ADCY2: variants seen among roughly 807,000 people sequenced by gnomAD.
The protein encoded by ADCY2 is adenylate cyclase 2.
A neutral mutation model predicts 125.2 loss-of-function variants in ADCY2; 31 were observed. The ratio of observed to expected loss-of-function variants is 0.25; its 90% CI spans 0.19 to 0.33. The LOEUF is 0.33. ADCY2 is among the 10% of genes least tolerant of loss of function. The pLI is 1.00. For missense variants in ADCY2, 904 were observed against 1,418.2 expected, an observed-to-expected ratio of 0.64 and a Z score of 5.82; for synonymous variants, 512 against 548.4, an observed-to-expected ratio of 0.93 and a Z score of 0.93.
chr5:7,795,420 C>T (rs893409286), intron 20 of ADCY2: 4 of 152,246 alleles, frequency 2.6e-5, no homozygotes, highest in African/African-American at 9.6e-5. Context: ...TCACTTCGCT[C>T]CTGTTCCTGG....
Position 7,530,457 on chromosome 5 carries a change from G to A in ADCY2, c.570+9558G>A, listed in dbSNP as rs10050498. 4.8e-3 allele frequency among the ~76,000 whole-genome samples: 734 copies of A among 152,202 alleles called. 7 individuals are homozygous for A. The highest frequency in any genetic ancestry group is 0.016 in the African/African-American group (678 of 41,546). On this transcript the variant is annotated intron_variant, in intron 3 of 24. Transcript: ENST00000338316. ...GACAATGGCATGATCATAGCTCACTGCAGTCTTGAACTCCTGGCCTCAAGC... is the reference window on the plus strand; with the variant it reads ...GACAATGGCATGATCATAGCTCACTACAGTCTTGAACTCCTGGCCTCAAGC...
At position 7,513,430 on chromosome 5, in the gene ADCY2, C is replaced by T. The variant is rs562931940; in HGVS notation, c.409-7308C>T. 1.1e-4 allele frequency among the ~76,000 whole-genome samples: 16 copies of T among 152,170 alleles called. No homozygotes were observed. In the South Asian group the frequency reaches 1.2e-3, roughly 12 times the overall value. ...TTTATTGTTTTGCAGATTTTGTTAT[C>T]GAAAATGTTAAAGTACATTTCCACT... is the stretch of plus-strand genomic sequence containing the variant. On this transcript the variant is annotated intron_variant, in intron 2 of 24. Coordinates refer to ENST00000338316, the MANE Select transcript of ADCY2 (RefSeq NM_020546.3).
In ADCY2 at chr5:7,439,375, A is replaced by C. The variant is rs558354094; in HGVS notation, c.408+24605A>C. Among the ~76,000 whole-genome samples, 4 of 152,244 alleles carry C rather than the reference A, an allele frequency of 2.6e-5. No individual in the cohort carries two copies. The South Asian group carries it at 8.3e-4, about 32-fold the overall frequency. ...GGGAACTTCCATTTATAAAACCGTC[A>C]GCTCTCATGAGACTTATTCACTACC... On this transcript the variant is annotated intron_variant, in intron 2 of 24. Coordinates refer to ENST00000338316, the MANE Select transcript of ADCY2 (RefSeq NM_020546.3).
intron 18 of ADCY2, among the ~76,000 whole-genome samples, chr5:7,778,035 A>G (rs561396926): frequency 6.6e-6 from 1 of 152,020 alleles, no homozygotes; most frequent in Non-Finnish European, 1.5e-5. Flanking sequence ...AGTCCTCCAT[A>G]TTGTCTGTGA....
intron 9 of ADCY2, 59 bp downstream of exon 9, chr5:7,707,897 T>C: frequency 6.4e-7 from 1 of 1,562,220 alleles, no homozygotes; most frequent in Non-Finnish European, 8.7e-7. Context: ...TTATTGATAT[T>C]CATAAGTGTT....
intron 23 of ADCY2, among the ~76,000 whole-genome samples, chr5:7,819,388 G>C (rs1025435762): frequency 4.6e-5 from 7 of 152,132 alleles, no homozygotes; most frequent in Admixed American, 4.6e-4. Flanking sequence ...CTGCAGCATG[G>C]GACCAGAACG....
chr5:7,447,166 C>T (rs1579452307), intron 2 of ADCY2, among the ~76,000 whole-genome samples: 1 of 136,254 alleles, frequency 7.3e-6, no homozygotes, highest in African/African-American at 2.6e-5. Flanking sequence ...CGACCTTACT[C>T]AGAAGCTTGT....
At position 7,707,769 on chromosome 5, in the gene ADCY2, A is replaced by T; in HGVS notation, c.1332A>T (p.Gly444=). 6.2e-7 allele frequency: 1 copy of T among 1,614,074 alleles called. No homozygotes were observed. The highest frequency in any genetic ancestry group is 8.5e-7 in the Non-Finnish European group (1 of 1,180,004). ...ATGGCGCTTATAAAGTGGAGGAGGG[A>T]GATGGTGACATTAGGGACCCATATT... The part of the protein sequence containing the change: ...HLNGAYKVEE[G]DGDIRDPYLK... Residue 444 remains glycine, a synonymous_variant, in exon 9 of 25, where the codon GGA becomes GGT. Transcript: ENST00000338316.
chr5:7,630,835 G>A (rs1738288554), intron 4 of ADCY2, among the ~76,000 whole-genome samples: 3 of 147,082 alleles, frequency 2.0e-5, no homozygotes, highest in Admixed American at 2.0e-4. Context: ...CACCCAGGCT[G>A]GAGTGCAGTG....
In ADCY2 at chr5:7,695,734, C is replaced by T. The variant is rs368207400; in HGVS notation, c.870-18C>T. ...TAAACTGGAAAACTCTGTCTCCTCACCTCCTTTCTTCCCACAGCATCTTAT... is the reference window on the plus strand; with the variant it reads ...TAAACTGGAAAACTCTGTCTCCTCATCTCCTTTCTTCCCACAGCATCTTAT... On this transcript the variant is annotated intron_variant, in intron 5 of 24. Transcript: ENST00000338316. 3.4e-5 allele frequency: 52 copies of T among 1,535,780 alleles called. No individual in the cohort carries two copies. In the African/African-American group the frequency reaches 6.8e-4, roughly 20 times the overall value.
intron 4 of ADCY2, among the ~76,000 whole-genome samples, chr5:7,641,446 C>T (rs1169634518): frequency 2.0e-5 from 3 of 151,994 alleles, no homozygotes; most frequent in East Asian, 1.9e-4. Flanking sequence ...TATGAGTTAT[C>T]GTTCTGTGTT....
intron 22 of ADCY2, among the ~76,000 whole-genome samples, chr5:7,813,345 G>A (rs1289248966): frequency 6.6e-6 from 1 of 152,170 alleles, no homozygotes; most frequent in African/African-American, 2.4e-5. Flanking sequence ...GTTTATTTTA[G>A]CCTAAAAAAT....
At chr5:7,591,992 A>T (rs1330955551) in intron 3 of ADCY2, among the ~76,000 whole-genome samples, 1 of 152,202 alleles carries the variant, frequency 6.6e-6, no homozygotes, top group East Asian at 1.9e-4. Context: ...TTTAATAGGA[A>T]TGTTTAACTT....
intron 3 of ADCY2, among the ~76,000 whole-genome samples, chr5:7,591,337 G>A (rs1736844830): frequency 6.6e-6 from 1 of 152,044 alleles, no homozygotes; most frequent in African/African-American, 2.4e-5. Context: ...TTCAGCATAG[G>A]TTCTATCAGA....
rs757446494 is a variant in ADCY2, at chr5:7,600,658, G to A, written c.571-25509G>A. Among the ~76,000 whole-genome samples the A allele has an allele frequency of 3.3e-5, 5 of 152,192 alleles. No individual in the cohort carries two copies. The South Asian group carries it at 1.0e-3, about 32-fold the overall frequency. ...TCCATGGGGAATCCTCTGGAATTGT[G>A]CTTTGAGCAGAAGAATGGATAAGAT... On this transcript the variant is annotated intron_variant, in intron 3 of 24. Transcript: ENST00000338316.
Position 7,789,565 on chromosome 5 carries a change from T to C in ADCY2, c.2470-77T>C, listed in dbSNP as rs1167559468. On this transcript the variant is annotated intron_variant, in intron 19 of 24. Coordinates refer to ENST00000338316, the MANE Select transcript of ADCY2 (RefSeq NM_020546.3). ...TTTCGGTTTCATTTTGTTCTTTTTG[T>C]TTTCTCTTTAAAACCTCCACTCTCT... The C allele has an allele frequency of 4.9e-6, 7 of 1,434,012 alleles. No individual in the cohort carries two copies. The Admixed American group carries it at 1.6e-4, about 32-fold the overall frequency. 88.8% of individuals were successfully genotyped at this position (1,434,012 alleles called of 1,614,324 possible). A position where few individuals can be genotyped will look rare whatever the true frequency, so the allele number is the denominator to read the frequency against.
chr5:7,434,759 G>A (rs146382185), intron 2 of ADCY2, among the ~76,000 whole-genome samples: 191 of 152,336 alleles, frequency 1.3e-3, no homozygotes, highest in Non-Finnish European at 2.2e-3. Context: ...CCTAGCCCAT[G>A]CAAGATGGAA....
In ADCY2 at chr5:7,802,425, T is replaced by A. The variant is rs1744625569; in HGVS notation, c.2775+61T>A. ...ACACTCAGTCTCACACCTGTGCACT[T>A]GAAGTTACTTCAGGATAGTGGCCTA... is the stretch of plus-strand genomic sequence containing the variant. On this transcript the variant is annotated intron_variant, in intron 21 of 24. Transcript: ENST00000338316. The surrounding 1 kb of genome is among the most constrained non-coding windows in gnomAD (Gnocchi z 4.6). 1 of 1,567,946 alleles carries A rather than the reference T, an allele frequency of 6.4e-7. No individual in the cohort carries two copies. The highest frequency in any genetic ancestry group is 1.4e-5 in the African/African-American group (1 of 73,366).
At chr5:7,493,422 G>A (rs564257926) in intron 2 of ADCY2, among the ~76,000 whole-genome samples, 13 of 152,212 alleles carry the variant, frequency 8.5e-5, no homozygotes, top group Non-Finnish European at 1.9e-4. Context: ...AGGGGGTATC[G>A]GGTGCCTTTA....
Sources: gnomAD v4.1 joint callset for allele counts (sites outside exome capture counted in the v4.1 genomes callset) on GRCh38, gnomAD v4.1.1 for gene constraint, Gnocchi (gnomAD v3.1) non-coding constraint, MANE v1.5 for transcripts, NCBI Gene and HGNC (gene_info 2026-07-23, HGNC 2026-07-21) for gene names.